Variants in IGF2BP2 observed in about 807,000 individuals in gnomAD.
IGF2BP2 encodes the protein insulin like growth factor 2 mRNA binding protein 2.
A neutral mutation model predicts 75.8 loss-of-function variants in IGF2BP2; 17 were observed. That is an observed-to-expected ratio of 0.22 (90% CI 0.15 to 0.34). The LOEUF (loss-of-function observed/expected upper bound fraction) is 0.34. Ranked by LOEUF, IGF2BP2 falls within the 10% of genes least tolerant of loss-of-function variation. The pLI, the probability that IGF2BP2 is intolerant of heterozygous loss-of-function variation, is 1.00. For missense variants in IGF2BP2, 516 were observed against 772.4 expected (o/e 0.67, Z 3.93); for synonymous variants, 288 against 295.6 (o/e 0.97, Z 0.26).
At chr3:185,785,387 A>G (rs1578294087) in intron 2 of IGF2BP2, among the ~76,000 whole-genome samples, 1 of 151,262 alleles carries the variant, frequency 6.6e-6, no homozygotes, top group Non-Finnish European at 1.5e-5. Context: ...GCATTTAGAC[A>G]CTCATTTTAC....
intron 2 of IGF2BP2, chr3:185,717,495 T>C (rs1207849352): frequency 1.3e-5 from 2 of 152,216 alleles, no homozygotes; most frequent in African/African-American, 4.8e-5. Context: ...GACTCAAGTT[T>C]TAGAAATCTT....
At chr3:185,686,822 T>C (rs924015292) in intron 7 of IGF2BP2, among the ~76,000 whole-genome samples, 4 of 152,074 alleles carry the variant, frequency 2.6e-5, no homozygotes, top group South Asian at 2.1e-4. Context: ...CAATGGGTGA[T>C]AGAAGCATCA....
At chr3:185,669,907 G>A (rs955143404) in intron 10 of IGF2BP2, among the ~76,000 whole-genome samples, 1 of 152,308 alleles carries the variant, frequency 6.6e-6, no homozygotes, top group East Asian at 1.9e-4. Context: ...ACAGGTCTGC[G>A]GTGTGGACTC....
intron 7 of IGF2BP2, among the ~76,000 whole-genome samples, chr3:185,681,618 T>C (rs1577949684): frequency 6.6e-6 from 1 of 152,264 alleles, no homozygotes; most frequent in Middle Eastern, 3.4e-3. Context: ...ATAGCCAAAA[T>C]GATTTCAAAA....
intron 7 of IGF2BP2, 44 bp from the exon 8 acceptor site, chr3:185,675,957 C>T (rs908027243): frequency 8.8e-6 from 14 of 1,592,770 alleles, no homozygotes; most frequent in African/African-American, 2.7e-5. Flanking sequence ...ATACGTATAA[C>T]GGTTGTCTCC....
At chr3:185,752,180 T>C (rs1324357081) in intron 2 of IGF2BP2, among the ~76,000 whole-genome samples, 2 of 152,146 alleles carry the variant, frequency 1.3e-5, no homozygotes, top group Non-Finnish European at 2.9e-5. Flanking sequence ...CCTTGGAGTC[T>C]TTCCTCTCTC....
intron 13 of IGF2BP2, 71 bp from the exon 14 acceptor site, chr3:185,649,605 G>A: frequency 1.9e-6 from 3 of 1,583,650 alleles, no homozygotes; most frequent in Admixed American, 3.4e-5. Context: ...TGCTGCGAAG[G>A]GCACTGGAGA....
intron 2 of IGF2BP2, among the ~76,000 whole-genome samples, chr3:185,703,779 AAGAAAGAAAGAG>A (rs1175182820): frequency 1.3e-5 from 2 of 152,146 alleles, no homozygotes; most frequent in Admixed American, 6.5e-5. Flanking sequence ...TCTCAAAAGA[AAGAAAGAAAGAG>A]AGAAAGAAAG....
intron 2 of IGF2BP2, among the ~76,000 whole-genome samples, chr3:185,699,704 A>G (rs892804394): frequency 1.3e-5 from 2 of 152,178 alleles, no homozygotes; most frequent in African/African-American, 4.8e-5. Context: ...TGACAGTCAT[A>G]TTCTTGAGAT....
chr3:185,709,652 T>A (rs1201973323), intron 2 of IGF2BP2, among the ~76,000 whole-genome samples: 1 of 152,248 alleles, frequency 6.6e-6, no homozygotes, highest in Admixed American at 6.5e-5. Context: ...GTCATGGTGA[T>A]GAAGGAAAAT....
At chr3:185,675,974 C>T (rs1719283083) in intron 7 of IGF2BP2, 61 bp from the exon 8 acceptor site, 20 of 1,570,784 alleles carry the variant, frequency 1.3e-5, no homozygotes, top group Middle Eastern at 1.7e-4. Flanking sequence ...CTCCCAAAAA[C>T]CATTACCTTG....
chr3:185,708,037 T>C lies in IGF2BP2; in HGVS notation c.240-9690A>G, dbSNP rs529721534. On this transcript the variant is annotated intron_variant, in intron 2 of 15. Transcript: ENST00000382199. Reference sequence around the variant, plus strand: ...GCATGAAGGTTTTCCCAAATCACCATTACTACTGACATTCATGGATGCTAA... The same window carrying C: ...GCATGAAGGTTTTCCCAAATCACCACTACTACTGACATTCATGGATGCTAA... Among the ~76,000 whole-genome samples the C allele has an allele frequency of 2.6e-5, 4 of 152,344 alleles. No individual in the cohort carries two copies. The East Asian group carries it at 7.7e-4, about 29-fold the overall frequency.
intron 2 of IGF2BP2, chr3:185,814,180 C>G (rs894383176): frequency 1.3e-5 from 2 of 152,296 alleles, no homozygotes; most frequent in Admixed American, 1.3e-4. Context: ...CCTTTCTCCT[C>G]TCCTCCCTCC....
At chr3:185,716,291 A>G (rs1725599096) in intron 2 of IGF2BP2, 1 of 370,480 alleles carries the variant, frequency 2.7e-6, no homozygotes, top group South Asian at 2.3e-5. Flanking sequence ...ATATTTTTGG[A>G]ATTCTTTTAA....
At chr3:185,653,159 C>T (rs1714883646) in intron 12 of IGF2BP2, among the ~76,000 whole-genome samples, 1 of 151,888 alleles carries the variant, frequency 6.6e-6, no homozygotes. Context: ...AGTTCAGGTT[C>T]TCTTGTAACA....
At chr3:185,661,468 C>T (rs1159293622) in intron 10 of IGF2BP2, among the ~76,000 whole-genome samples, 5 of 151,858 alleles carry the variant, frequency 3.3e-5, no homozygotes, top group South Asian at 2.1e-4. Flanking sequence ...GAAACCCCAT[C>T]GCTAGCAAAA....
intron 7 of IGF2BP2, among the ~76,000 whole-genome samples, chr3:185,677,872 C>A (rs1719794536): frequency 6.6e-6 from 1 of 151,986 alleles, no homozygotes; most frequent in Non-Finnish European, 1.5e-5. Context: ...GAGGAAAGGA[C>A]CAGCAAATTT....
chr3:185,693,775 T>A (rs916739262), intron 4 of IGF2BP2, among the ~76,000 whole-genome samples: 2 of 152,194 alleles, frequency 1.3e-5, no homozygotes, highest in African/African-American at 4.8e-5. Context: ...TGTTGGGAGT[T>A]TGGAGTTAAC....
chr3:185,661,555 T>G (rs1553850232), intron 10 of IGF2BP2, among the ~76,000 whole-genome samples: 1 of 148,694 alleles, frequency 6.7e-6, no homozygotes, highest in Non-Finnish European at 1.5e-5. Context: ...GAGAATCGCT[T>G]GAACCCGGGA....
Sources: gnomAD v4.1 joint callset for allele counts (sites outside exome capture counted in the v4.1 genomes callset) on GRCh38, gnomAD v4.1.1 for gene constraint, MANE v1.5 for transcripts, NCBI Gene and HGNC (gene_info 2026-07-23, HGNC 2026-07-21) for gene names.